The following RGS6 variants were observed in gnomAD, a reference collection of about 807,000 sequenced individuals.
The protein encoded by RGS6 is regulator of G-protein signaling 6.
RGS6 carries 30 observed loss-of-function variants against 78.5 expected under a neutral mutation model. The observed-to-expected ratio is 0.38, with a 90% CI of 0.29 to 0.52. RGS6 has a LOEUF of 0.52. Ranked by LOEUF, RGS6 falls within the 20% of genes least tolerant of loss-of-function variation. The pLI is 0.85. For synonymous variants in RGS6, 206 were observed against 206.0 expected, an observed-to-expected ratio of 1.00 and a Z score of 0.00; for missense variants, 495 against 609.7, an observed-to-expected ratio of 0.81 and a Z score of 1.98.
intron 2 of RGS6, among the ~76,000 whole-genome samples, chr14:72,116,390 C>G (rs1285021584): frequency 6.6e-6 from 1 of 151,964 alleles, no homozygotes; most frequent in African/African-American, 2.4e-5. Context: ...TTTTCTCAAC[C>G]ATGACATCAT....
At chr14:71,954,017 C>T (rs917714058) in intron 1 of RGS6, among the ~76,000 whole-genome samples, 3 of 127,152 alleles carry the variant, frequency 2.4e-5, no homozygotes, top group Admixed American at 8.9e-5. Flanking sequence ...TTTCACTCCA[C>T]ACTCTGGCTT....
intron 3 of RGS6, among the ~76,000 whole-genome samples, chr14:72,383,146 A>G (rs1404163067): frequency 7.3e-6 from 1 of 137,538 alleles, no homozygotes; most frequent in East Asian, 2.1e-4. Context: ...ATAAACATAT[A>G]TACTATATTT....
In RGS6 at chr14:72,547,134, A is replaced by G. The variant is rs1215231168; in HGVS notation, c.1422+7040A>G. The stretch of plus-strand genomic sequence containing the variant: ...AGCGGGAAGGCCGACCACTCAGAAG[A>G]CAGGATGCCCGCCTCTGCCTAGGAC... On this transcript the variant is annotated intron_variant, in intron 17 of 17. Coordinates refer to ENST00000553525, the MANE Select transcript of RGS6 (RefSeq NM_001204424.2). 9 of 1,531,334 alleles carry G rather than the reference A, an allele frequency of 5.9e-6. No individual in the cohort carries two copies. The Admixed American group carries it at 1.6e-4, about 27-fold the overall frequency. The allele number at this position is 1,531,334 out of a possible 1,614,324, so 94.9% of individuals were successfully genotyped here.
intron 14 of RGS6, among the ~76,000 whole-genome samples, chr14:72,517,826 T>C (rs1356074507): frequency 6.6e-6 from 1 of 152,226 alleles, no homozygotes; most frequent in Non-Finnish European, 1.5e-5. Context: ...CCAACTAGAT[T>C]TGACAAAGGG....
At chr14:71,994,822 G>A (rs945938260) in intron 2 of RGS6, among the ~76,000 whole-genome samples, 4 of 152,162 alleles carry the variant, frequency 2.6e-5, no homozygotes. Flanking sequence ...CCAACACCTA[G>A]GTCCCAGACT....
intron 2 of RGS6, among the ~76,000 whole-genome samples, chr14:71,971,496 G>A (rs2093802775): frequency 6.6e-6 from 1 of 151,890 alleles, no homozygotes. Flanking sequence ...CCTCTTCTGG[G>A]TCCGGACATC....
chr14:72,516,630 C>T (rs530047349), intron 14 of RGS6, among the ~76,000 whole-genome samples: 12 of 152,346 alleles, frequency 7.9e-5, no homozygotes, highest in African/African-American at 2.9e-4. Flanking sequence ...CACACTGGGC[C>T]AGCATTGAGC....
chr14:71,996,197 A>T (rs1231985309), intron 2 of RGS6, among the ~76,000 whole-genome samples: 2 of 151,330 alleles, frequency 1.3e-5, no homozygotes, highest in African/African-American at 4.9e-5. Flanking sequence ...CAAAGCCCAG[A>T]CAAACCTCCC....
intron 2 of RGS6, among the ~76,000 whole-genome samples, chr14:72,053,556 C>A (rs1435496988): frequency 2.0e-5 from 3 of 152,188 alleles, no homozygotes; most frequent in Non-Finnish European, 2.9e-5. Flanking sequence ...TGGAAATCTG[C>A]ATTTTATTTA....
chr14:72,265,130 A>T (rs2058821335), intron 2 of RGS6, among the ~76,000 whole-genome samples: 1 of 152,176 alleles, frequency 6.6e-6, no homozygotes, highest in South Asian at 2.1e-4. Flanking sequence ...CAGTATGAAG[A>T]TTTTCAGGTT....
chr14:72,431,978 G>C (rs1022853048), intron 3 of RGS6, among the ~76,000 whole-genome samples: 3 of 152,192 alleles, frequency 2.0e-5, no homozygotes, highest in Non-Finnish European at 2.9e-5. Flanking sequence ...CTTGTCTTCT[G>C]TGTCCAAATG....
At chr14:72,425,859 A>G (rs923190452) in intron 3 of RGS6, among the ~76,000 whole-genome samples, 3 of 152,228 alleles carry the variant, frequency 2.0e-5, no homozygotes, top group Non-Finnish European at 4.4e-5. Context: ...TTATCATTGC[A>G]AAAAGAAAAT....
At chr14:72,330,162 T>C (rs1340738496) in intron 2 of RGS6, among the ~76,000 whole-genome samples, 5 of 152,256 alleles carry the variant, frequency 3.3e-5, no homozygotes, top group African/African-American at 1.2e-4. Flanking sequence ...CCCAGGATGA[T>C]GGTTTGAAAC....
intron 2 of RGS6, among the ~76,000 whole-genome samples, chr14:72,280,232 T>C (rs1399979188): frequency 6.6e-6 from 1 of 152,040 alleles, no homozygotes; most frequent in Admixed American, 6.6e-5. Context: ...AACCAGACAG[T>C]TGAAGTATTA....
At position 72,562,921 on chromosome 14, in the gene RGS6, C is replaced by T; in HGVS notation, c.*454C>T. ...TCCAGCATTTGCATCACCTCCCTGGCACCTCCCATAGTTACAGCCACTACA... is the reference window on the plus strand; with the variant it reads ...TCCAGCATTTGCATCACCTCCCTGGTACCTCCCATAGTTACAGCCACTACA... On this transcript the variant is annotated 3_prime_UTR_variant, in exon 18 of 18. Transcript: ENST00000553525. The T allele has an allele frequency of 1.5e-6, 1 of 680,876 alleles. No homozygotes were observed. The highest frequency in any genetic ancestry group is 2.6e-6 in the Non-Finnish European group (1 of 384,622). The allele number at this position is 680,876 out of a possible 1,614,324, so 42.2% of individuals were successfully genotyped here. A position where few individuals can be genotyped will look rare whatever the true frequency, so the allele number is the denominator to read the frequency against.
At chr14:72,493,241 G>T (rs1039150840) in intron 12 of RGS6, among the ~76,000 whole-genome samples, 1 of 152,034 alleles carries the variant, frequency 6.6e-6, no homozygotes, top group African/African-American at 2.4e-5. Flanking sequence ...AAAGGAACTT[G>T]GAAGAACCAA....
the RGS6 span, among the ~76,000 whole-genome samples, chr14:72,614,115 C>G: frequency 7.7e-4 from 117 of 152,318 alleles, no homozygotes; most frequent in African/African-American, 2.6e-3. Flanking sequence ...TTTCCACACT[C>G]AGGGCTGGTG....
intron 3 of RGS6, among the ~76,000 whole-genome samples, chr14:72,358,447 G>A (rs556405774): frequency 6.6e-5 from 10 of 152,376 alleles, no homozygotes; most frequent in East Asian, 5.8e-4. Flanking sequence ...CAAAGCTACC[G>A]GGTCAGAGCT....
chr14:72,064,885 T>C (rs914809594), intron 2 of RGS6, among the ~76,000 whole-genome samples: 5 of 152,224 alleles, frequency 3.3e-5, no homozygotes, highest in African/African-American at 1.2e-4. Context: ...TGGTGAAGTG[T>C]GGCAATGGTA....
Sources: allele counts gnomAD v4.1 joint callset (sites outside exome capture counted in the v4.1 genomes callset), GRCh38; gene constraint gnomAD v4.1.1; transcripts MANE v1.5; gene names NCBI Gene and HGNC (gene_info 2026-07-23, HGNC 2026-07-21).